ZDHHC9: variants seen among roughly 807,000 people sequenced by gnomAD.
ZDHHC9 encodes palmitoyltransferase ZDHHC9.
Under a neutral mutation model 26.6 loss-of-function variants are expected in ZDHHC9, and 3 were observed. The observed-to-expected ratio is 0.11, with a 90% CI of 0.05 to 0.29. The LOEUF (loss-of-function observed/expected upper bound fraction) is 0.29. Among genes scored for constraint, ZDHHC9 ranks in the 10% least tolerant of loss-of-function variants. The pLI, the probability that ZDHHC9 is intolerant of heterozygous loss-of-function variation, is 1.00. For missense variants in ZDHHC9, 146 were observed against 296.4 expected, an observed-to-expected ratio of 0.49 and a Z score of 3.73; for synonymous variants, 111 against 109.4, an observed-to-expected ratio of 1.01 and a Z score of -0.09.
Position 129,819,853 on chromosome X carries a change from G to A in ZDHHC9, c.487+3826C>T, listed in dbSNP as rs773268457. Among the ~76,000 whole-genome samples, 15 of 110,348 alleles carry A rather than the reference G, an allele frequency of 1.4e-4. No homozygotes were observed. The East Asian group carries it at 4.0e-3, about 29-fold the overall frequency. On this transcript the variant is annotated intron_variant, in intron 5 of 10. Coordinates refer to ENST00000357166, the MANE Select transcript of ZDHHC9 (RefSeq NM_016032.4). ...TGGGATTACAGGCACATGTCACCAC[G>A]TCCAGCTAATTTTTGTATGTTTTAG...
At chrX:129,823,501 A>G in intron 5 of ZDHHC9, 178 bp downstream of exon 5, 1 of 496,579 alleles carries the variant, frequency 2.0e-6, no homozygotes, top group South Asian at 3.1e-5. Flanking sequence ...TTTGATCTAC[A>G]CAAGTACAGC....
intron 2 of ZDHHC9, 117 bp from the exon 3 acceptor site, chrX:129,842,197 T>C (rs1928399466): frequency 2.4e-6 from 1 of 412,131 alleles, no homozygotes; most frequent in East Asian, 4.1e-5. Flanking sequence ...GACGGGGAAG[T>C]GGGAAAAGTT....
In ZDHHC9 at chrX:129,803,812, G is replaced by A. The variant is rs1927448949; in HGVS notation, c.*2558C>T. 1 of 111,818 alleles carries A rather than the reference G, an allele frequency of 8.9e-6. No individual in the cohort carries two copies. Among genetic ancestry groups the A allele is most frequent in the Non-Finnish European group, 1.9e-5 (1 of 53,170 alleles). 9.2% of individuals were successfully genotyped at this position (111,818 alleles called of 1,213,427 possible). On this transcript the variant is annotated 3_prime_UTR_variant, in exon 11 of 11. Transcript: ENST00000357166. ...GTGCATAGGAAGCTTGAGGAAGAAG[G>A]AGGAAGGGGAGAGTTGGAGACAGTG... is the stretch of plus-strand genomic sequence containing the variant.
rs1927463306 is a variant in ZDHHC9, at chrX:129,804,387, G to A, written c.*1983C>T. 9.0e-6 allele frequency: 1 copy of A among 111,218 alleles called. No homozygotes were observed. The highest frequency in any genetic ancestry group is 3.3e-5 in the African/African-American group (1 of 30,563). 9.2% of individuals were successfully genotyped at this position (111,218 alleles called of 1,213,427 possible). A position where few individuals can be genotyped will look rare whatever the true frequency, so the allele number is the denominator to read the frequency against. The stretch of plus-strand genomic sequence containing the variant: ...CTCTCTCTCTCTCTCTCTCAAGAAT[G>A]CTCAACTTAAATCCTGTTAAAAGGA... On this transcript the variant is annotated 3_prime_UTR_variant, in exon 11 of 11. Coordinates refer to ENST00000357166, the MANE Select transcript of ZDHHC9 (RefSeq NM_016032.4).
chrX:129,812,130 C>A (rs933169804), intron 8 of ZDHHC9, among the ~76,000 whole-genome samples: 7 of 108,399 alleles, frequency 6.5e-5, no homozygotes, highest in African/African-American at 2.4e-4. Context: ...GTTGTCCAGG[C>A]TGGAGTGCAG....
At chrX:129,812,628 C>T in intron 8 of ZDHHC9, 90 bp downstream of exon 8, 7 of 808,549 alleles carry the variant, frequency 8.7e-6, no homozygotes, top group Non-Finnish European at 1.3e-5. Flanking sequence ...CCTCCCAGGC[C>T]CTGGAGACTC....
chrX:129,814,821 G>C (rs370408984), intron 5 of ZDHHC9, 26 bp from the exon 6 acceptor site: 16 of 1,206,339 alleles, frequency 1.3e-5, no homozygotes, highest in Non-Finnish European at 1.8e-5. Context: ...AGAGTCCAAA[G>C]CCAAAAGCCT....
intron 10 of ZDHHC9, among the ~76,000 whole-genome samples, chrX:129,808,243 G>A (rs1374566407): frequency 8.9e-6 from 1 of 111,818 alleles, no homozygotes; most frequent in Non-Finnish European, 1.9e-5. Flanking sequence ...GGAAATTTAA[G>A]GCACCCAGAA....
At chrX:129,841,266 T>C (rs1414918233) in intron 3 of ZDHHC9, among the ~76,000 whole-genome samples, 2 of 112,410 alleles carry the variant, frequency 1.8e-5, no homozygotes, top group African/African-American at 6.5e-5. Context: ...AGCACGTATG[T>C]GCCACGCACA....
At chrX:129,831,710 G>A (rs1277483958) in intron 3 of ZDHHC9, among the ~76,000 whole-genome samples, 1 of 112,130 alleles carries the variant, frequency 8.9e-6, no homozygotes, top group African/African-American at 3.2e-5. Context: ...GCTATTGGCA[G>A]CCAGTCGTCT....
At chrX:129,813,506 G>A (rs1390294878) in intron 7 of ZDHHC9, among the ~76,000 whole-genome samples, 171 bp downstream of exon 7, 1 of 112,110 alleles carries the variant, frequency 8.9e-6, no homozygotes, top group Non-Finnish European at 1.9e-5. Context: ...TTTAGTCCCG[G>A]TCATCTTCCA....
rs1371564176 is a variant in ZDHHC9 at position 129,805,615 on chromosome X, G to A, written c.*755C>T. ...AGAGATGAGACAGAGAGTGTGAAGG[G>A]CTATGCCGCTGGCATCTCATAAATT... On this transcript the variant is annotated 3_prime_UTR_variant, in exon 11 of 11. Transcript: ENST00000357166. 2 of 112,209 alleles carry A rather than the reference G, an allele frequency of 1.8e-5. No homozygotes were observed. The highest frequency in any genetic ancestry group is 3.8e-5 in the Non-Finnish European group (2 of 53,176). The allele number at this position is 112,209 out of a possible 1,213,427, so 9.2% of individuals were successfully genotyped here.
At chrX:129,815,369 T>C in intron 5 of ZDHHC9, among the ~76,000 whole-genome samples, 1 of 112,191 alleles carries the variant, frequency 8.9e-6, no homozygotes, top group Non-Finnish European at 1.9e-5. Flanking sequence ...GGATCGATTT[T>C]TTTGTCTTCA....
intron 10 of ZDHHC9, among the ~76,000 whole-genome samples, chrX:129,807,562 A>G (rs1292117318): frequency 1.8e-5 from 2 of 109,120 alleles, no homozygotes; most frequent in African/African-American, 6.7e-5. Context: ...GCTCGTGCCT[A>G]TAATTCCAGC....
chrX:129,814,512 G>A (rs1927714955), intron 6 of ZDHHC9, 146 bp downstream of exon 6: 2 of 841,468 alleles, frequency 2.4e-6, no homozygotes, highest in African/African-American at 4.0e-5. Flanking sequence ...CCCTGCTCAA[G>A]AGCAGATAAC....
At chrX:129,827,902 C>T (rs1233385714) in intron 4 of ZDHHC9, among the ~76,000 whole-genome samples, 5 of 111,979 alleles carry the variant, frequency 4.5e-5, no homozygotes, top group Admixed American at 9.4e-5. Context: ...CTGCAACCTC[C>T]GCCTCCCAGG....
Position 129,803,835 on chromosome X carries a change from GTGTCA to G in ZDHHC9, c.*2530_*2534del, listed in dbSNP as rs1328640546. The G allele has an allele frequency of 4.5e-5, 5 of 111,945 alleles. No homozygotes were observed. Among genetic ancestry groups the G allele is most frequent in the Non-Finnish European group, 7.5e-5 (4 of 53,226 alleles). The allele number at this position is 111,945 out of a possible 1,213,427, so 9.2% of individuals were successfully genotyped here. A position where few individuals can be genotyped will look rare whatever the true frequency, so the allele number is the denominator to read the frequency against. On this transcript the variant is annotated 3_prime_UTR_variant, in exon 11 of 11. Coordinates refer to ENST00000357166, the MANE Select transcript of ZDHHC9 (RefSeq NM_016032.4). ...AGGAGGAAGGGGAGAGTTGGAGACA[GTGTCA>G]GCCATTGAAAAGACCAAACAATTTA... is the stretch of plus-strand genomic sequence containing the variant.
chrX:129,813,161 G>A (rs1341636572), intron 7 of ZDHHC9, among the ~76,000 whole-genome samples: 1 of 112,089 alleles, frequency 8.9e-6, no homozygotes, highest in Non-Finnish European at 1.9e-5. Context: ...CACTTTGGGA[G>A]GCCAAGGTGG....
chrX:129,818,138 A>G (rs1927799414), intron 5 of ZDHHC9, among the ~76,000 whole-genome samples: 1 of 111,785 alleles, frequency 8.9e-6, no homozygotes, highest in Admixed American at 9.5e-5. Flanking sequence ...CCTTGTAAGG[A>G]GAGGATGAGA....
Sources: gnomAD v4.1 joint callset for allele counts (sites outside exome capture counted in the v4.1 genomes callset) on GRCh38, gnomAD v4.1.1 for gene constraint, MANE v1.5 for transcripts, NCBI Gene and HGNC (gene_info 2026-07-23, HGNC 2026-07-21) for gene names.